Variants in CNTNAP2 observed in about 807,000 individuals in gnomAD.
CNTNAP2 encodes contactin-associated protein-like 2.
Under a neutral mutation model 155.2 loss-of-function variants are expected in CNTNAP2, and 98 were observed. The ratio of observed to expected loss-of-function variants is 0.63; its 90% CI spans 0.54 to 0.75. The LOEUF is 0.75. Ranked by LOEUF, CNTNAP2 falls within the 30% of genes least tolerant of loss-of-function variation. The probability of loss-of-function intolerance (pLI) is 0.00; values close to 1 mark genes in which losing one functional copy is unlikely to be tolerated. For synonymous variants in CNTNAP2, 651 were observed against 631.2 expected (o/e 1.03, Z -0.47); for missense variants, 1,727 against 1,688.1 (o/e 1.02, Z -0.40).
At chr7:147,456,492 T>C (rs987039545) in intron 10 of CNTNAP2, among the ~76,000 whole-genome samples, 5 of 152,156 alleles carry the variant, frequency 3.3e-5, no homozygotes. Flanking sequence ...TTAACCTTAA[T>C]TCCAAATAAT....
At chr7:148,016,453 G>T (rs980850139) in intron 15 of CNTNAP2, among the ~76,000 whole-genome samples, 1 of 152,176 alleles carries the variant, frequency 6.6e-6, no homozygotes, top group Non-Finnish European at 1.5e-5. Context: ...CTCCTGCACA[G>T]TACCACTCTT....
intron 8 of CNTNAP2, among the ~76,000 whole-genome samples, chr7:147,153,439 G>T (rs944891119): frequency 1.2e-4 from 19 of 152,038 alleles, no homozygotes; most frequent in African/African-American, 4.3e-4. Flanking sequence ...GCCCTCAACA[G>T]TGCAAAACAC....
At chr7:147,171,966 A>G (rs535504422) in intron 8 of CNTNAP2, among the ~76,000 whole-genome samples, 10 of 152,336 alleles carry the variant, frequency 6.6e-5, no homozygotes, top group Middle Eastern at 3.4e-3. Context: ...CACATTTATT[A>G]TATGCCCAGA....
intron 9 of CNTNAP2, among the ~76,000 whole-genome samples, chr7:147,370,317 G>C (rs908776013): frequency 2.0e-5 from 3 of 152,168 alleles, no homozygotes; most frequent in African/African-American, 7.2e-5. Context: ...TTTTAAGACA[G>C]AGCTATTTTG....
chr7:148,120,938 A>G (rs1190662796), intron 16 of CNTNAP2, among the ~76,000 whole-genome samples: 1 of 152,212 alleles, frequency 6.6e-6, no homozygotes, highest in African/African-American at 2.4e-5. Context: ...ACTACAAAGC[A>G]AACCAAAAGT....
At chr7:146,751,387 T>C (rs2129182565) in intron 1 of CNTNAP2, among the ~76,000 whole-genome samples, 1 of 152,258 alleles carries the variant, frequency 6.6e-6, no homozygotes, top group East Asian at 1.9e-4. Flanking sequence ...TGTTAGACTG[T>C]TAGAATGTTA....
intron 1 of CNTNAP2, among the ~76,000 whole-genome samples, chr7:146,572,661 A>C (rs1798460820): frequency 6.6e-6 from 1 of 152,180 alleles, no homozygotes; most frequent in African/African-American, 2.4e-5. Flanking sequence ...ATATGTTGCC[A>C]TTATGGTTGT....
At chr7:147,348,919 G>T (rs190109541) in intron 9 of CNTNAP2, among the ~76,000 whole-genome samples, 3 of 151,940 alleles carry the variant, frequency 2.0e-5, no homozygotes, top group Non-Finnish European at 4.4e-5. Flanking sequence ...TCACTCATAA[G>T]TGCAAGCTTA....
intron 1 of CNTNAP2, among the ~76,000 whole-genome samples, chr7:146,412,857 A>G (rs61272215): frequency 0.078 from 11,871 of 152,258 alleles, 1,348 homozygotes; most frequent in African/African-American, 0.25. Flanking sequence ...GTTTAGTCAC[A>G]GAGTAAACCT....
chr7:147,055,324 G>A (rs780370612), intron 4 of CNTNAP2, among the ~76,000 whole-genome samples: 1 of 152,310 alleles, frequency 6.6e-6, no homozygotes, highest in Non-Finnish European at 1.5e-5. Context: ...ATGCTTCTGC[G>A]TGAGGCAATA....
chr7:147,882,433 A>G (rs150510178), intron 13 of CNTNAP2, among the ~76,000 whole-genome samples: 221 of 152,340 alleles, frequency 1.5e-3, no homozygotes, highest in African/African-American at 5.1e-3. Context: ...GGACATCTGA[A>G]TCAGCTGCTT....
chr7:146,500,449 A>G (rs189676132), intron 1 of CNTNAP2, among the ~76,000 whole-genome samples: 2 of 152,282 alleles, frequency 1.3e-5, no homozygotes, highest in East Asian at 3.9e-4. Context: ...GGGGGGAGGT[A>G]AAGAAGTAAT....
chr7:147,721,123 G>C (rs764862095), intron 13 of CNTNAP2, among the ~76,000 whole-genome samples: 1 of 152,046 alleles, frequency 6.6e-6, no homozygotes, highest in Non-Finnish European at 1.5e-5. Context: ...TAGAATCCTA[G>C]GGAATTAGGT....
At chr7:147,341,769 TACACACACACACACACACAC>T (rs35486619) in intron 9 of CNTNAP2, among the ~76,000 whole-genome samples, 1 of 147,318 alleles carries the variant, frequency 6.8e-6, no homozygotes, top group Non-Finnish European at 1.5e-5. Context: ...CACATACACA[TACACACACACACACACACAC>T]ACACACACAC....
intron 15 of CNTNAP2, among the ~76,000 whole-genome samples, chr7:148,115,546 T>C (rs917647672): frequency 1.3e-5 from 2 of 152,178 alleles, no homozygotes; most frequent in Admixed American, 1.3e-4. Context: ...TGAATCCTTC[T>C]GGCCCTGGGC....
At chr7:146,775,773 G>T (rs956275017) in intron 2 of CNTNAP2, among the ~76,000 whole-genome samples, 1 of 151,974 alleles carries the variant, frequency 6.6e-6, no homozygotes, top group African/African-American at 2.4e-5. Flanking sequence ...ATAGGAAAAA[G>T]CTAGCCTAGT....
At chr7:147,897,392 C>A (rs1052588082) in intron 13 of CNTNAP2, among the ~76,000 whole-genome samples, 1 of 151,974 alleles carries the variant, frequency 6.6e-6, no homozygotes, top group African/African-American at 2.4e-5. Context: ...CTAGACAAAC[C>A]TTTAACTCCA....
rs1300201683 is a variant in CNTNAP2, at chr7:146,884,516, G to A, written c.402+44612G>A. On this transcript the variant is annotated intron_variant, in intron 3 of 23. Coordinates refer to ENST00000361727, the MANE Select transcript of CNTNAP2 (RefSeq NM_014141.6). The stretch of plus-strand genomic sequence containing the variant: ...AACTGAGTGAGATGTTTCCTACTCA[G>A]TATGTATTGAGTATCAGCTATGGGT... Among the ~76,000 whole-genome samples the A allele has an allele frequency of 3.3e-5, 5 of 152,116 alleles. No homozygotes were observed. In the East Asian group the frequency reaches 9.6e-4, roughly 29 times the overall value.
At chr7:147,049,208 G>C (rs1799423877) in intron 4 of CNTNAP2, among the ~76,000 whole-genome samples, 1 of 152,084 alleles carries the variant, frequency 6.6e-6, no homozygotes, top group African/African-American at 2.4e-5. Flanking sequence ...GAACTTTGAA[G>C]GACGCATTCA....
Sources: allele counts gnomAD v4.1 joint callset (sites outside exome capture counted in the v4.1 genomes callset), GRCh38; gene constraint gnomAD v4.1.1; transcripts MANE v1.5; gene names NCBI Gene and HGNC (gene_info 2026-07-23, HGNC 2026-07-21).